Variants in ST8SIA6 observed in about 807,000 individuals in gnomAD.
ST8SIA6 encodes alpha-2,8-sialyltransferase 8F.
ST8SIA6 carries 39 observed loss-of-function variants against 33.6 expected under a neutral mutation model. The observed-to-expected ratio is 1.16, with a 90% CI of 0.90 to 1.52. ST8SIA6 has a LOEUF of 1.52. ST8SIA6 is among the 40% of genes most tolerant of loss of function. ST8SIA6 has a pLI of 0.00. For synonymous variants in ST8SIA6, 172 were observed against 167.2 expected (o/e 1.03, Z -0.22); for missense variants, 441 against 443.8 (o/e 0.99, Z 0.06).
chr10:17,453,508 C>T (rs1852997194), intron 2 of ST8SIA6, 51 bp downstream of exon 2: 3 of 1,246,132 alleles, frequency 2.4e-6, no homozygotes, highest in Non-Finnish European at 3.1e-6. Context: ...CGCCCCATGC[C>T]CGGCTCGCAG....
rs1449127805 is a variant in ST8SIA6 at position 17,316,003 on chromosome 10, C to T, written c.*4875G>A. 6.6e-6 allele frequency among the ~76,000 whole-genome samples: 1 copy of T among 151,892 alleles called. No homozygotes were observed. The highest frequency in any genetic ancestry group is 1.5e-5 in the Non-Finnish European group (1 of 67,908). ...ACTAGCTCTGCTCTTATATATAATGCAACCTTATATAAGTTACTTACAATT... is the reference window on the plus strand; with the variant it reads ...ACTAGCTCTGCTCTTATATATAATGTAACCTTATATAAGTTACTTACAATT... On this transcript the variant is annotated 3_prime_UTR_variant, in exon 8 of 8. Transcript: ENST00000377602.
intron 3 of ST8SIA6, among the ~76,000 whole-genome samples, chr10:17,376,822 C>G (rs1211612784): frequency 1.3e-5 from 2 of 151,684 alleles, no homozygotes; most frequent in African/African-American, 2.4e-5. Flanking sequence ...GAGAAATATT[C>G]AAGGGAAGAG....
chr10:17,399,129 G>A (rs1035351299), intron 2 of ST8SIA6: 13 of 152,218 alleles, frequency 8.5e-5, no homozygotes, highest in Non-Finnish European at 1.2e-4. Context: ...AAGTCACGGC[G>A]CCTACAAAGA....
intron 2 of ST8SIA6, among the ~76,000 whole-genome samples, chr10:17,429,273 C>T (rs751665394): frequency 5.9e-5 from 9 of 152,038 alleles, no homozygotes; most frequent in Non-Finnish European, 1.2e-4. Flanking sequence ...ACCAGCACCC[C>T]CACATACTCC....
chr10:17,352,730 A>C (rs1054835816), intron 4 of ST8SIA6, among the ~76,000 whole-genome samples: 2 of 152,198 alleles, frequency 1.3e-5, no homozygotes, highest in East Asian at 1.9e-4. Context: ...GCTAGTCCCT[A>C]AATGTGCAAG....
intron 2 of ST8SIA6, among the ~76,000 whole-genome samples, chr10:17,419,562 A>T (rs1851714232): frequency 6.6e-6 from 1 of 152,100 alleles, no homozygotes; most frequent in East Asian, 1.9e-4. Flanking sequence ...AAAACAAAAA[A>T]AATAACGACT....
chr10:17,432,305 G>A (rs1852125707), intron 2 of ST8SIA6, among the ~76,000 whole-genome samples: 1 of 152,164 alleles, frequency 6.6e-6, no homozygotes, highest in African/African-American at 2.4e-5. Context: ...GATGGAGTTT[G>A]TATTTAAAAG....
chr10:17,399,958 A>G (rs1048061212), intron 2 of ST8SIA6, among the ~76,000 whole-genome samples: 1 of 151,778 alleles, frequency 6.6e-6, no homozygotes, highest in Non-Finnish European at 1.5e-5. Context: ...TCTCATGCAC[A>G]TATAAAATGA....
chr10:17,322,549 C>T (rs192129260), intron 7 of ST8SIA6, among the ~76,000 whole-genome samples: 159 of 152,162 alleles, frequency 1.0e-3, no homozygotes, highest in Non-Finnish European at 1.9e-3. Context: ...TCACTTTTGA[C>T]GAAAACAATG....
At chr10:17,447,833 G>A (rs76301736) in intron 2 of ST8SIA6, among the ~76,000 whole-genome samples, 1 of 151,688 alleles carries the variant, frequency 6.6e-6, no homozygotes, top group African/African-American at 2.4e-5. Flanking sequence ...ATTTTTTTTT[G>A]AGATAGAGTC....
chr10:17,425,795 T>G (rs1851920737), intron 2 of ST8SIA6, among the ~76,000 whole-genome samples: 1 of 151,694 alleles, frequency 6.6e-6, no homozygotes, highest in African/African-American at 2.4e-5. Context: ...GTTTAGGAGA[T>G]AATTGCAGGT....
At chr10:17,327,619 A>G (rs527374011) in intron 5 of ST8SIA6, among the ~76,000 whole-genome samples, 2 of 143,886 alleles carry the variant, frequency 1.4e-5, no homozygotes, top group African/African-American at 2.6e-5. Context: ...ACAACAAAAA[A>G]CCAGCCAGGT....
At chr10:17,434,298 T>C (rs1852186425) in intron 2 of ST8SIA6, among the ~76,000 whole-genome samples, 3 of 152,146 alleles carry the variant, frequency 2.0e-5, no homozygotes, top group African/African-American at 7.2e-5. Flanking sequence ...CTACAAACAC[T>C]GCAGATCTGG....
chr10:17,400,958 G>A (rs1262660743), intron 2 of ST8SIA6, among the ~76,000 whole-genome samples: 1 of 152,044 alleles, frequency 6.6e-6, no homozygotes, highest in Non-Finnish European at 1.5e-5. Context: ...AGAAATAAAG[G>A]GTATTCAATT....
At chr10:17,415,671 T>C (rs1851583013) in intron 2 of ST8SIA6, among the ~76,000 whole-genome samples, 1 of 152,232 alleles carries the variant, frequency 6.6e-6, no homozygotes, top group East Asian at 1.9e-4. Flanking sequence ...CGTTAAGTGA[T>C]CTGTTAGTTT....
At chr10:17,448,920 G>A (rs907308069) in intron 2 of ST8SIA6, among the ~76,000 whole-genome samples, 5 of 150,772 alleles carry the variant, frequency 3.3e-5, no homozygotes, top group African/African-American at 7.3e-5. Flanking sequence ...GCGCCCGGCC[G>A]GCAGGGTTTT....
At chr10:17,413,868 C>A (rs1463389428) in intron 2 of ST8SIA6, among the ~76,000 whole-genome samples, 8 of 152,090 alleles carry the variant, frequency 5.3e-5, no homozygotes, top group Non-Finnish European at 1.2e-4. Context: ...CCATTTGTTC[C>A]TTGGAATAAT....
intron 3 of ST8SIA6, 118 bp from the exon 4 acceptor site, chr10:17,359,718 G>A (rs1588837485): frequency 2.0e-6 from 1 of 505,086 alleles, no homozygotes; most frequent in East Asian, 3.5e-5. Context: ...ATAAGGTGAG[G>A]CAGAAATAAT....
intron 2 of ST8SIA6, among the ~76,000 whole-genome samples, chr10:17,430,775 T>C (rs12267642): frequency 0.11 from 16,694 of 152,256 alleles, 2,214 homozygotes; most frequent in African/African-American, 0.32. Flanking sequence ...TCGTAGATTC[T>C]GGATTCTAGC....
Sources: gnomAD v4.1 joint callset for allele counts (sites outside exome capture counted in the v4.1 genomes callset) on GRCh38, gnomAD v4.1.1 for gene constraint, MANE v1.5 for transcripts, NCBI Gene and HGNC (gene_info 2026-07-23, HGNC 2026-07-21) for gene names.